The following CTNNA3 variants were observed in gnomAD, a reference collection of about 807,000 sequenced individuals.
CTNNA3 encodes catenin alpha 3, also known as catenin alpha-3.
A neutral mutation model predicts 95.7 loss-of-function variants in CTNNA3; 76 were observed. The ratio of observed to expected loss-of-function variants is 0.79; its 90% CI spans 0.66 to 0.96. The LOEUF is 0.96. Among genes scored for constraint, CTNNA3 ranks in the 40% least tolerant of loss-of-function variants. The pLI is 0.00. For missense variants in CTNNA3, 1,191 were observed against 1,089.8 expected, an observed-to-expected ratio of 1.09 and a Z score of -1.31; for synonymous variants, 431 against 374.4, an observed-to-expected ratio of 1.15 and a Z score of -1.74.
chr10:67,101,853 C>T (rs1858365613), intron 7 of CTNNA3, among the ~76,000 whole-genome samples: 1 of 151,736 alleles, frequency 6.6e-6, no homozygotes, highest in South Asian at 2.1e-4. Flanking sequence ...AAACTAAACA[C>T]TCAAAATAAG....
rs186866011 is a variant in CTNNA3, at chr10:66,342,012, C to A, written c.1732+37140G>T. Among the ~76,000 whole-genome samples, 50 of 151,560 alleles carry A rather than the reference C, an allele frequency of 3.3e-4. No individual in the cohort carries two copies. In the East Asian group the frequency reaches 5.8e-3, roughly 18 times the overall value. On this transcript the variant is annotated intron_variant, in intron 12 of 17. Transcript: ENST00000433211. ...ATATAATTTTTGAAAAATTATTTTA[C>A]AGATAATGAGTTTGAGATACAAGGA... is the stretch of plus-strand genomic sequence containing the variant.
intron 1 of CTNNA3, among the ~76,000 whole-genome samples, chr10:67,740,972 T>C (rs1215920238): frequency 1.3e-5 from 2 of 151,368 alleles, no homozygotes; most frequent in Non-Finnish European, 3.0e-5. Context: ...TGGAATACTA[T>C]GCAGCCATAA....
intron 7 of CTNNA3, among the ~76,000 whole-genome samples, chr10:67,176,724 G>A (rs1197069492): frequency 6.6e-6 from 1 of 152,220 alleles, no homozygotes; most frequent in Non-Finnish European, 1.5e-5. Flanking sequence ...CTAATCACAT[G>A]AGTCCTAAAA....
At chr10:67,113,452 C>A (rs988164191) in intron 7 of CTNNA3, among the ~76,000 whole-genome samples, 1 of 152,146 alleles carries the variant, frequency 6.6e-6, no homozygotes, top group African/African-American at 2.4e-5. Context: ...GTTGTTCAGA[C>A]ATAAAGATCA....
intron 13 of CTNNA3, among the ~76,000 whole-genome samples, chr10:66,258,041 C>T (rs2090857629): frequency 6.6e-6 from 1 of 152,130 alleles, no homozygotes; most frequent in African/African-American, 2.4e-5. Flanking sequence ...AAACACTTAA[C>T]TTGAACAATT....
At chr10:66,554,615 T>C (rs1014277067) in intron 10 of CTNNA3, among the ~76,000 whole-genome samples, 6 of 152,176 alleles carry the variant, frequency 3.9e-5, no homozygotes, top group African/African-American at 1.2e-4. Context: ...TACCTGTATA[T>C]AATATTCTAT....
At chr10:66,464,618 C>T (rs1332538484) in intron 11 of CTNNA3, among the ~76,000 whole-genome samples, 3 of 151,894 alleles carry the variant, frequency 2.0e-5, no homozygotes, top group Non-Finnish European at 4.4e-5. Flanking sequence ...CAAAAATTAG[C>T]TGGGTGTGGT....
At chr10:66,624,308 C>T (rs1844855599) in intron 9 of CTNNA3, among the ~76,000 whole-genome samples, 2 of 152,014 alleles carry the variant, frequency 1.3e-5, no homozygotes, top group Admixed American at 6.6e-5. Flanking sequence ...GAGAATTAAA[C>T]GAGATAATGT....
intron 12 of CTNNA3, among the ~76,000 whole-genome samples, chr10:66,346,197 A>G (rs2092509546): frequency 6.8e-6 from 1 of 148,026 alleles, no homozygotes. Flanking sequence ...ATTGAATAGT[A>G]AGTATGTGTG....
At position 66,331,338 on chromosome 10, in the gene CTNNA3, G is replaced by GCTTGCTTTTTTTTTTTTTTT; in HGVS notation, c.1732+47813_1732+47814insAAAAAAAAAAAAAAAGCAAG. On this transcript the variant is annotated intron_variant, in intron 12 of 17. Transcript: ENST00000433211. ...TTAAATATGGACTCCTTTCCCCATTGTTTGTTTTTTTTTTTTTTTTTTTTT... is the reference window on the plus strand; with the variant it reads ...TTAAATATGGACTCCTTTCCCCATTGCTTGCTTTTTTTTTTTTTTTTTTGTTTTTTTTTTTTTTTTTTTTT... Among the ~76,000 whole-genome samples, 101 of 39,100 alleles carry GCTTGCTTTTTTTTTTTTTTT rather than the reference G, an allele frequency of 2.6e-3. 14 individuals are homozygous for GCTTGCTTTTTTTTTTTTTTT. Among genetic ancestry groups the GCTTGCTTTTTTTTTTTTTTT allele is most frequent in the African/African-American group, 4.1e-3 (58 of 13,980 alleles). 25.7% of individuals were successfully genotyped at this position (39,100 alleles called of 152,430 possible). A position where few individuals can be genotyped will look rare whatever the true frequency, so the allele number is the denominator to read the frequency against.
chr10:67,074,342 C>CTTTTTT (rs36186252), intron 7 of CTNNA3, among the ~76,000 whole-genome samples: 2 of 68,726 alleles, frequency 2.9e-5, no homozygotes, highest in African/African-American at 6.9e-5. Flanking sequence ...CACTTTAACT[C>CTTTTTT]TTTTTTTTTT....
At chr10:67,200,747 G>A (rs1475294774) in intron 6 of CTNNA3, among the ~76,000 whole-genome samples, 3 of 152,094 alleles carry the variant, frequency 2.0e-5, no homozygotes, top group African/African-American at 7.2e-5. Flanking sequence ...AGACAGTCAC[G>A]CATGCACTTT....
chr10:67,073,289 C>G (rs746334955), intron 7 of CTNNA3, among the ~76,000 whole-genome samples: 1 of 152,174 alleles, frequency 6.6e-6, no homozygotes, highest in Non-Finnish European at 1.5e-5. Context: ...TCTATTGACA[C>G]AAAATTGACT....
At chr10:66,631,705 C>G (rs1218088183) in intron 9 of CTNNA3, among the ~76,000 whole-genome samples, 1 of 152,014 alleles carries the variant, frequency 6.6e-6, no homozygotes, top group Non-Finnish European at 1.5e-5. Flanking sequence ...AGCATTCCCA[C>G]TATAAGTGAG....
intron 7 of CTNNA3, among the ~76,000 whole-genome samples, chr10:67,127,972 A>G (rs1482003800): frequency 6.6e-6 from 1 of 152,138 alleles, no homozygotes; most frequent in African/African-American, 2.4e-5. Flanking sequence ...CCACATCTTT[A>G]CTACCCATGT....
At chr10:66,440,440 T>G (rs2093367355) in intron 11 of CTNNA3, among the ~76,000 whole-genome samples, 1 of 152,346 alleles carries the variant, frequency 6.6e-6, no homozygotes. Flanking sequence ...ATTTTCTCTG[T>G]GTCTGCAGCT....
intron 7 of CTNNA3, among the ~76,000 whole-genome samples, chr10:67,073,976 C>T (rs1450703077): frequency 6.6e-6 from 1 of 151,504 alleles, no homozygotes; most frequent in Non-Finnish European, 1.5e-5. Context: ...ATTTATTTCG[C>T]ACAGCTACAC....
chr10:67,107,287 T>C (rs1271755905), intron 7 of CTNNA3, among the ~76,000 whole-genome samples: 1 of 152,240 alleles, frequency 6.6e-6, no homozygotes, highest in Non-Finnish European at 1.5e-5. Flanking sequence ...CAAGCCTACA[T>C]ATTTCCCACA....
intron 5 of CTNNA3, among the ~76,000 whole-genome samples, chr10:67,372,628 C>G (rs1469635942): frequency 1.3e-5 from 2 of 152,060 alleles, no homozygotes; most frequent in Non-Finnish European, 1.5e-5. Context: ...ACAGAGAACA[C>G]CACAAAGATA....
Sources: gnomAD v4.1 joint callset for allele counts (sites outside exome capture counted in the v4.1 genomes callset) on GRCh38, gnomAD v4.1.1 for gene constraint, MANE v1.5 for transcripts, NCBI Gene and HGNC (gene_info 2026-07-23, HGNC 2026-07-21) for gene names.